The following DLGAP4 variants were observed in gnomAD, a reference collection of about 807,000 sequenced individuals.
DLGAP4 encodes DLG associated protein 4.
Under a neutral mutation model 86.9 loss-of-function variants are expected in DLGAP4, and 18 were observed. That is an observed-to-expected ratio of 0.21 (90% CI 0.14 to 0.31). The LOEUF is 0.31. DLGAP4 is among the 10% of genes least tolerant of loss of function. The probability of loss-of-function intolerance (pLI) is 1.00; values close to 1 mark genes in which losing one functional copy is unlikely to be tolerated. For missense variants in DLGAP4, 1,085 were observed against 1,362.6 expected, an observed-to-expected ratio of 0.80 and a Z score of 3.21; for synonymous variants, 548 against 574.3, an observed-to-expected ratio of 0.95 and a Z score of 0.65.
intron 1 of DLGAP4, among the ~76,000 whole-genome samples, chr20:36,326,750 G>T (rs1165987345): frequency 6.6e-6 from 1 of 152,050 alleles, no homozygotes; most frequent in East Asian, 1.9e-4. Context: ...TATAGTGTGA[G>T]TATGCTGGTG....
At chr20:36,413,600 T>C (rs1349690086) in intron 2 of DLGAP4, among the ~76,000 whole-genome samples, 1 of 151,232 alleles carries the variant, frequency 6.6e-6, no homozygotes, top group African/African-American at 2.4e-5. Context: ...TTTTTTTTTT[T>C]AGTAGAGGTG....
At chr20:36,369,098 G>A (rs1454815650) in intron 2 of DLGAP4, among the ~76,000 whole-genome samples, 4 of 152,156 alleles carry the variant, frequency 2.6e-5, no homozygotes, top group Admixed American at 6.5e-5. Flanking sequence ...AGGCCCGGGC[G>A]GCAGCGAGGG....
rs771317521 is a variant in DLGAP4, at chr20:36,524,293, G to C, written c.2556G>C (p.Leu852=). ...GTGCTGTGGGCAGTGCCCAGCTACT[G>C]ATGTCCCAGAAATTCCAGCAGTTCC... The part of the protein sequence containing the change: ...VLSAVGSAQL[L]MSQKFQQFRG... The change falls in exon 11 of 13, where the codon CTG becomes CTC. Residue 852 remains leucine (L), a synonymous_variant. Coordinates refer to ENST00000339266, the MANE Select transcript of DLGAP4 (RefSeq NM_001365621.2). 2 of 1,614,020 alleles carry C rather than the reference G, an allele frequency of 1.2e-6. No homozygotes were observed. The highest frequency in any genetic ancestry group is 2.2e-5 in the South Asian group (2 of 91,046).
intron 2 of DLGAP4, among the ~76,000 whole-genome samples, chr20:36,382,515 CTTTCTTTT>C (rs1427220256): frequency 4.1e-5 from 6 of 145,270 alleles, no homozygotes; most frequent in Non-Finnish European, 6.0e-5. Context: ...TTCTTTCTTT[CTTTCTTTT>C]TTTCTTTTTT....
intron 7 of DLGAP4, among the ~76,000 whole-genome samples, chr20:36,460,589 C>G (rs2033998674): frequency 6.6e-6 from 1 of 152,228 alleles, no homozygotes; most frequent in Non-Finnish European, 1.5e-5. Flanking sequence ...CCCAGCAAGG[C>G]AGGTCATGAA....
chr20:36,504,655 C>A (rs1359020814), intron 10 of DLGAP4, among the ~76,000 whole-genome samples: 1 of 152,174 alleles, frequency 6.6e-6, no homozygotes, highest in Non-Finnish European at 1.5e-5. Context: ...TCACCAACAC[C>A]TGTTATCTTC....
At chr20:36,496,329 C>G (rs1393885810) in intron 7 of DLGAP4, among the ~76,000 whole-genome samples, 1 of 152,184 alleles carries the variant, frequency 6.6e-6, no homozygotes, top group African/African-American at 2.4e-5. Context: ...GTTTTGGCAT[C>G]TGCTCTGTTG....
intron 1 of DLGAP4, among the ~76,000 whole-genome samples, chr20:36,331,627 A>G (rs1233506672): frequency 6.6e-6 from 1 of 152,196 alleles, no homozygotes; most frequent in Non-Finnish European, 1.5e-5. Flanking sequence ...CAGAGATGGA[A>G]GCTTTGGCCT....
Position 36,522,762 on chromosome 20 carries a change from C to CGCCTCA in DLGAP4, c.2513-1482_2513-1477dup, listed in dbSNP as rs2037456347. On this transcript the variant is annotated intron_variant, in intron 10 of 12. Coordinates refer to ENST00000339266, the MANE Select transcript of DLGAP4 (RefSeq NM_001365621.2). ...CGAATTCCTGACCTTGTGATCCACC[C>CGCCTCA]GCCTCAGCCTCCCCCATCTTGTTTA... is the stretch of plus-strand genomic sequence containing the variant. Among the ~76,000 whole-genome samples, 2 of 152,090 alleles carry CGCCTCA rather than the reference C, an allele frequency of 1.3e-5. 1 individual carries two copies. Among genetic ancestry groups the CGCCTCA allele is most frequent in the Non-Finnish European group, 2.9e-5 (2 of 68,026 alleles).
chr20:36,525,629 T>C (rs1465723132), intron 11 of DLGAP4: 15 of 606,156 alleles, frequency 2.5e-5, no homozygotes, highest in Non-Finnish European at 3.8e-5. Context: ...GTGCCTTCCT[T>C]GCCACAGCCC....
chr20:36,519,208 G>A lies in DLGAP4; in HGVS notation c.2513-5042G>A, dbSNP rs1285554524. On this transcript the variant is annotated intron_variant, in intron 10 of 12. Coordinates refer to ENST00000339266, the MANE Select transcript of DLGAP4 (RefSeq NM_001365621.2). ...GCAGGAGGATTGCGCACGCACAGAA[G>A]GTCAAGGCTGCAGTGAGCCGTGATG... is the stretch of plus-strand genomic sequence containing the variant. Among the ~76,000 whole-genome samples the A allele has an allele frequency of 5.3e-5, 8 of 152,106 alleles. No individual in the cohort carries two copies. In the East Asian group the frequency reaches 1.3e-3, roughly 26 times the overall value.
intron 2 of DLGAP4, among the ~76,000 whole-genome samples, chr20:36,368,362 G>A (rs372847110): frequency 2.6e-5 from 4 of 152,250 alleles, no homozygotes; most frequent in Admixed American, 6.5e-5. Flanking sequence ...GTTATGAGAA[G>A]GGAAAAGATT....
intron 2 of DLGAP4, among the ~76,000 whole-genome samples, chr20:36,405,487 G>A (rs945950023): frequency 6.6e-6 from 1 of 152,152 alleles, no homozygotes. Flanking sequence ...GGACATTTCT[G>A]GCAGACCACA....
chr20:36,438,409 G>T (rs1299144593), intron 4 of DLGAP4, among the ~76,000 whole-genome samples: 1 of 149,314 alleles, frequency 6.7e-6, no homozygotes, highest in Non-Finnish European at 1.5e-5. Flanking sequence ...ATATATGTAT[G>T]TATATGTATA....
intron 2 of DLGAP4, among the ~76,000 whole-genome samples, chr20:36,402,024 G>A (rs893477779): frequency 6.6e-6 from 1 of 152,250 alleles, no homozygotes; most frequent in East Asian, 1.9e-4. Context: ...GGCCAGGGTT[G>A]GGGGTGTCAG....
chr20:36,369,327 T>C (rs746024173), intron 2 of DLGAP4, among the ~76,000 whole-genome samples: 14 of 152,130 alleles, frequency 9.2e-5, no homozygotes, highest in Non-Finnish European at 1.9e-4. Context: ...GCATGGTGGC[T>C]CAGGCCTGTA....
rs763691393 is a variant in DLGAP4, at chr20:36,500,538, A to G, written c.2439A>G (p.Ala813=). Reference sequence around the variant, plus strand: ...ACTGGTTCCTAAAGCTACTGCAGGCAGAAACAGAGCGGCTGGAAGGCTGGT... The same window carrying G: ...ACTGGTTCCTAAAGCTACTGCAGGCGGAAACAGAGCGGCTGGAAGGCTGGT... ...DGYWFLKLLQ[A]ETERLEGWCC... is the part of the protein sequence containing the mutation. Residue 813 remains alanine (A), a synonymous_variant, in exon 10 of 13, where the codon GCA becomes GCG. Coordinates refer to ENST00000339266, the MANE Select transcript of DLGAP4 (RefSeq NM_001365621.2). This position sits in a 1 kb window ranked among gnomAD's most constrained non-coding sequence, Gnocchi z 4.6. 4 of 1,556,490 alleles carry G rather than the reference A, an allele frequency of 2.6e-6. No individual in the cohort carries two copies. Among genetic ancestry groups the G allele is most frequent in the East Asian group, 4.6e-5 (2 of 43,848 alleles).
At position 36,496,896 on chromosome 20, in the gene DLGAP4, A is replaced by G; in HGVS notation, c.1840A>G (p.Ser614Gly). Residue 614 changes from serine (S) to glycine (G), a missense_variant, in exon 8 of 13, where the codon AGC becomes GGC. By Grantham distance (56) the Ser-to-Gly change is moderately conservative (BLOSUM62 0). Coordinates refer to ENST00000339266, the MANE Select transcript of DLGAP4 (RefSeq NM_001365621.2). ...GLSNSSDSLD[S>G]STRPPSVTRG... is the part of the protein sequence containing the mutation. ...GAGCAACTCGTCGGACAGCCTGGAC[A>G]GCAGTACCCGACCGCCCAGCGTGAC... The G allele has an allele frequency of 6.2e-7, 1 of 1,614,238 alleles. No individual in the cohort carries two copies. The highest frequency in any genetic ancestry group is 2.2e-5 in the East Asian group (1 of 44,892).
intron 7 of DLGAP4, among the ~76,000 whole-genome samples, chr20:36,463,553 C>A (rs1175570558): frequency 6.6e-6 from 1 of 152,192 alleles, no homozygotes; most frequent in African/African-American, 2.4e-5. Context: ...ACGGCTGTTT[C>A]TTAATTCAGG....
Sources: gnomAD v4.1 joint callset for allele counts (sites outside exome capture counted in the v4.1 genomes callset) on GRCh38, gnomAD v4.1.1 for gene constraint, Gnocchi (gnomAD v3.1) non-coding constraint, MANE v1.5 for transcripts, NCBI Gene and HGNC (gene_info 2026-07-23, HGNC 2026-07-21) for gene names.